The following GPC4 variants were observed in gnomAD, a reference collection of about 807,000 sequenced individuals.
The protein encoded by GPC4 is glypican 4.
In GPC4, 10 loss-of-function variants were observed where a neutral mutation model predicts 35.0. That is an observed-to-expected ratio of 0.29 (90% confidence interval 0.18 to 0.48). The LOEUF (loss-of-function observed/expected upper bound fraction) is 0.48, where lower values mean the gene tolerates loss of function less well. Among genes scored for constraint, GPC4 ranks in the 20% least tolerant of loss-of-function variants. The pLI is 0.99. For synonymous variants in GPC4, 167 were observed against 170.2 expected, an observed-to-expected ratio of 0.98 and a Z score of 0.15; for missense variants, 322 against 451.3, an observed-to-expected ratio of 0.71 and a Z score of 2.60.
chrX:133,304,899 TAAGAC>T (rs1171210745), intron 6 of GPC4, 38 bp from the exon 7 acceptor site: 2 of 1,189,685 alleles, frequency 1.7e-6, no homozygotes, highest in Non-Finnish European at 2.3e-6. Context: ...AAGATCATTG[TAAGAC>T]AAGACAAAAC....
intron 1 of GPC4, among the ~76,000 whole-genome samples, chrX:133,383,402 T>C (rs748829455): frequency 9.1e-6 from 1 of 110,418 alleles, no homozygotes; most frequent in Non-Finnish European, 1.9e-5. Context: ...AAAAGATGAG[T>C]GGTTGCCAGG....
chrX:133,390,377 C>G (rs781527418), intron 1 of GPC4, among the ~76,000 whole-genome samples: 1 of 111,690 alleles, frequency 9.0e-6, no homozygotes, highest in Non-Finnish European at 1.9e-5. Context: ...TAAATATAAG[C>G]CCCCAAAGGG....
At chrX:133,368,817 T>A (rs942372695) in intron 1 of GPC4, among the ~76,000 whole-genome samples, 20 of 110,341 alleles carry the variant, frequency 1.8e-4, no homozygotes, top group African/African-American at 6.6e-4. Flanking sequence ...GCTAATTTTT[T>A]GTATTTTTAG....
chrX:133,302,989 C>T lies in GPC4; in HGVS notation c.1549G>A (p.Asp517Asn). ...TCATTGGCACTCTTCCCAGCATGGT[C>T]AGTGGCATTGTAGTCAAACTCTGAA... is the stretch of plus-strand genomic sequence containing the variant. The part of the protein sequence containing the change: ...CPSEFDYNAT[D>N]HAGKSANEKA... The change falls in exon 9 of 9, where the codon GAC (aspartate) becomes AAC (asparagine). Residue 517 changes from aspartate to asparagine, a missense_variant. Physicochemically the swap from Asp to Asn is conservative, Grantham distance 23. Around this residue, in one of 3 missense-constraint regions of GPC4, gnomAD observed 99 missense variants for 110.0 expected, o/e 0.90. Coordinates refer to ENST00000370828, the MANE Select transcript of GPC4 (RefSeq NM_001448.3). 13 of 1,211,574 alleles carry T rather than the reference C, an allele frequency of 1.1e-5. No individual in the cohort carries two copies. Among genetic ancestry groups the T allele is most frequent in the Non-Finnish European group, 1.5e-5 (13 of 895,414 alleles).
chrX:133,382,601 C>T (rs2068667364), intron 1 of GPC4, among the ~76,000 whole-genome samples: 1 of 107,730 alleles, frequency 9.3e-6, no homozygotes, highest in Non-Finnish European at 1.9e-5. Flanking sequence ...TGGTGGCGGG[C>T]ACCTGTAGTC....
chrX:133,377,658 G>C (rs759376894), intron 1 of GPC4, among the ~76,000 whole-genome samples: 1 of 110,805 alleles, frequency 9.0e-6, no homozygotes, highest in African/African-American at 3.3e-5. Flanking sequence ...TAGCTCCTTT[G>C]ATCTTCACAA....
intron 3 of GPC4, among the ~76,000 whole-genome samples, chrX:133,314,130 A>G (rs752916262): frequency 8.9e-6 from 1 of 112,443 alleles, no homozygotes; most frequent in African/African-American, 3.2e-5. Flanking sequence ...GCAAGTTAAG[A>G]ATTTCTATAT....
chrX:133,372,696 G>C (rs1316165962), intron 1 of GPC4, among the ~76,000 whole-genome samples: 2 of 112,060 alleles, frequency 1.8e-5, no homozygotes, highest in Non-Finnish European at 3.8e-5. Context: ...TGCACTTCCT[G>C]CTTATCACAC....
intron 2 of GPC4, among the ~76,000 whole-genome samples, chrX:133,337,155 G>A (rs2068447803): frequency 8.9e-6 from 1 of 112,101 alleles, no homozygotes; most frequent in African/African-American, 3.2e-5. Flanking sequence ...AAAAAACACT[G>A]GAGTTTCATA....
chrX:133,404,549 A>AAAAAAAAAAAG, intron 1 of GPC4, among the ~76,000 whole-genome samples: 1 of 92,390 alleles, frequency 1.1e-5, no homozygotes, highest in Non-Finnish European at 2.1e-5. Context: ...TCTGCCTCAA[A>AAAAAAAAAAAG]AAAAAAAAAA....
chrX:133,400,263 C>T (rs1050274859), intron 1 of GPC4, among the ~76,000 whole-genome samples: 1 of 111,997 alleles, frequency 8.9e-6, no homozygotes, highest in Non-Finnish European at 1.9e-5. Context: ...AAACACAAAC[C>T]CTGGCCATTC....
chrX:133,359,932 T>C (rs1569350108), intron 1 of GPC4, among the ~76,000 whole-genome samples: 2 of 110,758 alleles, frequency 1.8e-5, no homozygotes, highest in Non-Finnish European at 3.8e-5. Flanking sequence ...GAAGGGACCC[T>C]GGGAAGTAGA....
intron 1 of GPC4, among the ~76,000 whole-genome samples, chrX:133,340,348 A>C (rs1429457604): frequency 9.0e-6 from 1 of 111,529 alleles, no homozygotes; most frequent in Admixed American, 9.5e-5. Flanking sequence ...CTATCACTTC[A>C]GTCTCTCCAA....
chrX:133,319,443 C>CAAAAAAAA (rs369290840), intron 3 of GPC4, among the ~76,000 whole-genome samples: 30 of 16,794 alleles, frequency 1.8e-3, no homozygotes, highest in East Asian at 2.1e-3. Flanking sequence ...GACCCTATGT[C>CAAAAAAAA]AAAAAAAAAA....
intron 1 of GPC4, among the ~76,000 whole-genome samples, chrX:133,365,909 C>T (rs912099677): frequency 1.8e-5 from 2 of 112,167 alleles, no homozygotes; most frequent in African/African-American, 6.5e-5. Context: ...ACGTCCTATA[C>T]TGGATGTTAG....
At position 133,303,341 on chromosome X, in the gene GPC4, C is replaced by T. The variant is rs780485237; in HGVS notation, c.1293G>A (p.Arg431=). The T allele has an allele frequency of 3.3e-6, 4 of 1,201,080 alleles. No individual in the cohort carries two copies. The highest frequency in any genetic ancestry group is 2.2e-5 in the Admixed American group (1 of 44,748). The change falls in exon 8 of 9, where the codon AGG becomes AGA. Residue 431 remains arginine, a splice_region_variant and synonymous_variant. Coordinates refer to ENST00000370828, the MANE Select transcript of GPC4 (RefSeq NM_001448.3). ...DDCWNGKGKS[R]YLFAVTGNGL... ...CATTTCCTGTCACTGCAAACAGGTA[C>T]CTGGAATGTAAAATGACCCCAGTAA...
intron 1 of GPC4, among the ~76,000 whole-genome samples, chrX:133,340,931 A>G (rs2068464054): frequency 1.8e-5 from 2 of 111,636 alleles, no homozygotes; most frequent in Admixed American, 9.5e-5. Context: ...TCATCCAGAA[A>G]CTGCTAAAAG....
intron 1 of GPC4, among the ~76,000 whole-genome samples, chrX:133,396,735 G>C (rs1233694433): frequency 8.9e-6 from 1 of 111,920 alleles, no homozygotes; most frequent in Non-Finnish European, 1.9e-5. Context: ...GAATTATACA[G>C]TATTTTTAAA....
chrX:133,361,343 A>C lies in GPC4; in HGVS notation c.161-22002T>G, dbSNP rs760486272. On this transcript the variant is annotated intron_variant, in intron 1 of 8. Coordinates refer to ENST00000370828, the MANE Select transcript of GPC4 (RefSeq NM_001448.3). ...AGGCTGTTACTTTCAAAGGGCATCA[A>C]ATAGCTGGTTCATATTACTAAAAAT... Among the ~76,000 whole-genome samples, 3 of 112,440 alleles carry C rather than the reference A, an allele frequency of 2.7e-5. No homozygotes were observed. In the South Asian group the frequency reaches 1.1e-3, roughly 42 times the overall value.
Sources: allele counts gnomAD v4.1 joint callset (sites outside exome capture counted in the v4.1 genomes callset), GRCh38; gene constraint gnomAD v4.1.1; regional missense constraint gnomAD v4.1.1; transcripts MANE v1.5; gene names NCBI Gene and HGNC (gene_info 2026-07-23, HGNC 2026-07-21).